Variants in ICA1 observed in about 807,000 individuals in gnomAD.
ICA1 encodes the protein 69 kDa islet cell autoantigen.
In ICA1, 40 loss-of-function variants were observed where a neutral mutation model predicts 71.0. The ratio of observed to expected loss-of-function variants is 0.56; its 90% CI spans 0.44 to 0.73. ICA1 has a LOEUF of 0.73. ICA1 is among the 30% of genes least tolerant of loss of function. ICA1 has a pLI of 0.00. For missense variants in ICA1, 578 were observed against 576.5 expected (o/e 1.00, Z -0.03); for synonymous variants, 207 against 209.5 (o/e 0.99, Z 0.10).
chr7:8,114,295 A>C (rs1331331481), intron 13 of ICA1, among the ~76,000 whole-genome samples: 1 of 152,148 alleles, frequency 6.6e-6, no homozygotes, highest in Non-Finnish European at 1.5e-5. Context: ...CCTGCACCCC[A>C]ACCCCACTAA....
At position 8,138,893 on chromosome 7, in the gene ICA1, A is replaced by G; in HGVS notation, c.1019-12T>C. 1.2e-6 allele frequency: 2 copies of G among 1,604,864 alleles called. No homozygotes were observed. Among genetic ancestry groups the G allele is most frequent in the Non-Finnish European group, 1.7e-6 (2 of 1,172,102 alleles). On this transcript the variant is annotated splice_polypyrimidine_tract_variant and intron_variant, in intron 11 of 13. Transcript: ENST00000402384. ...TTCATCTATGGGTCCTTTAGAGAAG[A>G]GGAAAGAAAACAAAATTATAAGTCA...
intron 1 of ICA1, among the ~76,000 whole-genome samples, chr7:8,253,170 C>T (rs1334841981): frequency 1.3e-5 from 2 of 152,158 alleles, no homozygotes; most frequent in African/African-American, 4.8e-5. Flanking sequence ...CTTCGGTCAC[C>T]AATATTCTGT....
chr7:8,201,063 T>A (rs1239363551), intron 6 of ICA1, among the ~76,000 whole-genome samples: 6 of 152,320 alleles, frequency 3.9e-5, no homozygotes, highest in African/African-American at 1.4e-4. Context: ...TGTGTTTTAG[T>A]CATAGAAAAT....
intron 1 of ICA1, among the ~76,000 whole-genome samples, chr7:8,249,732 C>T (rs1017807939): frequency 6.6e-6 from 1 of 152,194 alleles, no homozygotes; most frequent in East Asian, 1.9e-4. Context: ...TTCTTCCATA[C>T]ACTAAAACTT....
At chr7:8,116,650 T>A (rs1316181214) in intron 13 of ICA1, 1 of 152,238 alleles carries the variant, frequency 6.6e-6, no homozygotes, top group African/African-American at 2.4e-5. Flanking sequence ...AGTGGTGCTC[T>A]AAGGAAAGCA....
intron 6 of ICA1, among the ~76,000 whole-genome samples, chr7:8,194,409 C>A (rs1341147195): frequency 1.3e-5 from 2 of 152,116 alleles, no homozygotes; most frequent in East Asian, 3.8e-4. Context: ...TTTCAATTTT[C>A]TTTTTATGAA....
chr7:8,209,271 C>T (rs1388362130), intron 6 of ICA1, among the ~76,000 whole-genome samples: 3 of 152,144 alleles, frequency 2.0e-5, no homozygotes, highest in African/African-American at 7.2e-5. Flanking sequence ...CCCCTCCACA[C>T]TTGAAAAAAA....
In ICA1 at chr7:8,127,901, A is replaced by C; in HGVS notation, c.1302T>G (p.Asn434Lys). 6 of 1,614,114 alleles carry C rather than the reference A, an allele frequency of 3.7e-6. No homozygotes were observed. Among genetic ancestry groups the C allele is most frequent in the Non-Finnish European group, 5.1e-6 (6 of 1,180,004 alleles). The part of the protein sequence containing the change: ...GFLPSQLLDQ[N>K]MKDLQASLQE... ...GTAGCGAGGCCTGTAAGTCTTTCAT[A>C]TTTTGGTCTAAAAGCTGCGAAGGAA... The change falls in exon 13 of 14, where the codon AAT becomes AAG. Residue 434 changes from asparagine to lysine, a missense_variant. By Grantham distance (94) the Asn-to-Lys change is moderately conservative (BLOSUM62 0). Coordinates refer to ENST00000402384, the MANE Select transcript of ICA1 (RefSeq NM_001136020.3).
chr7:8,139,176 G>A, intron 10 of ICA1, 129 bp from the exon 11 acceptor site: 3 of 687,636 alleles, frequency 4.4e-6, no homozygotes, highest in South Asian at 3.7e-5. Context: ...CCAGAAGCAA[G>A]GGTCCTCAGA....
intron 13 of ICA1, among the ~76,000 whole-genome samples, chr7:8,119,267 T>C (rs559801925): frequency 6.6e-6 from 1 of 151,468 alleles, no homozygotes; most frequent in African/African-American, 2.4e-5. Flanking sequence ...AGGTGAGGAG[T>C]AGAAACCCCT....
rs1477043467 is a variant in ICA1, at chr7:8,222,156, CA to C, written c.257-759del. ...TTAGGAGAACTTCCTAAGGAAGTAGCAAAATGGGCACAAAGATGTAAATGCA... is the reference window on the plus strand; with the variant it reads ...TTAGGAGAACTTCCTAAGGAAGTAGCAAATGGGCACAAAGATGTAAATGCA... On this transcript the variant is annotated intron_variant, in intron 4 of 13. Transcript: ENST00000402384. The surrounding 1 kb of genome is among the most constrained non-coding windows in gnomAD (Gnocchi z 4.8). 1.3e-5 allele frequency among the ~76,000 whole-genome samples: 2 copies of C among 152,100 alleles called. No homozygotes were observed. The highest frequency in any genetic ancestry group is 4.8e-5 in the African/African-American group (2 of 41,390).
chr7:8,230,897 T>C (rs1038370969), intron 3 of ICA1, among the ~76,000 whole-genome samples: 1 of 152,142 alleles, frequency 6.6e-6, no homozygotes, highest in African/African-American at 2.4e-5. Flanking sequence ...CCTTATTCAG[T>C]TGGTACTTAT....
At chr7:8,259,675 T>G (rs1288067516) in intron 1 of ICA1, among the ~76,000 whole-genome samples, 1 of 152,202 alleles carries the variant, frequency 6.6e-6, no homozygotes, top group Non-Finnish European at 1.5e-5. Flanking sequence ...AAATGGTGAC[T>G]TAAGTAACTT....
intron 3 of ICA1, among the ~76,000 whole-genome samples, chr7:8,232,139 G>A (rs1238291564): frequency 1.3e-5 from 2 of 152,156 alleles, no homozygotes; most frequent in Non-Finnish European, 2.9e-5. Context: ...TTGTTAACTA[G>A]TCTAACTAAA....
Position 8,235,861 on chromosome 7 carries a change from C to T in ICA1, c.17+49G>A, listed in dbSNP as rs990715542. 3.2e-6 allele frequency: 5 copies of T among 1,573,784 alleles called. No individual in the cohort carries two copies. In the African/African-American group the frequency reaches 6.8e-5, roughly 21 times the overall value. On this transcript the variant is annotated intron_variant, in intron 2 of 13. Coordinates refer to ENST00000402384, the MANE Select transcript of ICA1 (RefSeq NM_001136020.3). The stretch of plus-strand genomic sequence containing the variant: ...TCAATAGATGTTTATTGATCATATG[C>T]TATATGCTTTCTACTTTCCCAATTC...
intron 1 of ICA1, among the ~76,000 whole-genome samples, chr7:8,259,272 A>C (rs771510830): frequency 6.6e-6 from 1 of 152,164 alleles, no homozygotes; most frequent in Admixed American, 6.5e-5. Context: ...TGCATTTCTA[A>C]TAAGCTCCCA....
intron 13 of ICA1, chr7:8,116,301 G>C (rs1784778776): frequency 6.6e-6 from 1 of 152,198 alleles, no homozygotes; most frequent in Non-Finnish European, 1.5e-5. Flanking sequence ...GTAGGAGGGG[G>C]ATTGACATTG....
intron 6 of ICA1, among the ~76,000 whole-genome samples, chr7:8,189,728 G>C (rs557137161): frequency 2.0e-5 from 3 of 152,144 alleles, no homozygotes; most frequent in East Asian, 3.9e-4. Context: ...GGCTCTGCAA[G>C]GGGGGTAGGC....
chr7:8,261,335 T>G (rs1812277757), intron 1 of ICA1, among the ~76,000 whole-genome samples: 1 of 152,116 alleles, frequency 6.6e-6, no homozygotes, highest in Non-Finnish European at 1.5e-5. Context: ...AGAGCCGCTT[T>G]GGGGGAAAGG....
Sources: gnomAD v4.1 joint callset for allele counts (sites outside exome capture counted in the v4.1 genomes callset) on GRCh38, gnomAD v4.1.1 for gene constraint, Gnocchi (gnomAD v3.1) non-coding constraint, MANE v1.5 for transcripts, NCBI Gene and HGNC (gene_info 2026-07-23, HGNC 2026-07-21) for gene names.